Variants in CNGB3 observed in about 807,000 individuals in gnomAD.
CNGB3 encodes the protein cyclic nucleotide gated channel subunit beta 3.
Under a neutral mutation model 92.8 loss-of-function variants are expected in CNGB3, and 86 were observed. That is an observed-to-expected ratio of 0.93 (90% CI 0.78 to 1.11). The LOEUF (loss-of-function observed/expected upper bound fraction) is 1.11, where lower values mean the gene tolerates loss of function less well. Ranked by LOEUF, CNGB3 falls within the 50% of genes least tolerant of loss-of-function variation. The pLI is 0.00. For synonymous variants in CNGB3, 333 were observed against 332.7 expected (o/e 1.00, Z -0.01); for missense variants, 1,026 against 956.8 (o/e 1.07, Z -0.95).
At chr8:86,720,680 A>C (rs1329562220) in intron 3 of CNGB3, among the ~76,000 whole-genome samples, 1 of 152,068 alleles carries the variant, frequency 6.6e-6, no homozygotes, top group African/African-American at 2.4e-5. Flanking sequence ...TCATTATAGC[A>C]AAAAGGTACT....
Position 86,718,754 on chromosome 8 carries a change from A to G in CNGB3, c.338+7777T>C, listed in dbSNP as rs114527284. Among the ~76,000 whole-genome samples, 1,319 of 152,238 alleles carry G rather than the reference A, an allele frequency of 8.7e-3. 23 individuals carry two copies. The highest frequency in any genetic ancestry group is 0.03 in the African/African-American group (1,259 of 41,542). On this transcript the variant is annotated intron_variant, in intron 3 of 17. Transcript: ENST00000320005. ...ACAGATCAATATCCCTGATGAACAT[A>G]TATGCAACAATCCTTAACAAATTAC...
chr8:86,577,330 AC>A (rs2131530812), intron 17 of CNGB3, among the ~76,000 whole-genome samples: 1 of 152,326 alleles, frequency 6.6e-6, no homozygotes, highest in East Asian at 1.9e-4. Context: ...GATGAAATTT[AC>A]AAAGTTATTT....
chr8:86,597,155 A>G lies in CNGB3; in HGVS notation c.1781+6938T>C, dbSNP rs144176219. 4.6e-5 allele frequency among the ~76,000 whole-genome samples: 7 copies of G among 152,318 alleles called. No homozygotes were observed. In the East Asian group the frequency reaches 1.2e-3, roughly 25 times the overall value. ...CCTGCATGTTGTGCACATGTACCCC[A>G]GAACGTAAAGTATAATAAAAAACAA... On this transcript the variant is annotated intron_variant, in intron 15 of 17. Coordinates refer to ENST00000320005, the MANE Select transcript of CNGB3 (RefSeq NM_019098.5).
chr8:86,625,868 T>G, intron 13 of CNGB3, 115 bp downstream of exon 13: 1 of 818,418 alleles, frequency 1.2e-6, no homozygotes, highest in South Asian at 1.5e-5. Flanking sequence ...TTTCTCTAGG[T>G]TATTTTGACT....
chr8:86,720,440 C>T (rs2099802), intron 3 of CNGB3, among the ~76,000 whole-genome samples: 12,280 of 152,108 alleles, frequency 0.081, 981 homozygotes, highest in African/African-American at 0.21. Context: ...AAATCAAAAC[C>T]ACAATGCAAT....
chr8:86,717,324 G>A (rs1490576703), intron 3 of CNGB3, among the ~76,000 whole-genome samples: 1 of 152,110 alleles, frequency 6.6e-6, no homozygotes, highest in Non-Finnish European at 1.5e-5. Flanking sequence ...CACTTTGAGA[G>A]GCCAAGGCAG....
rs1554607546 is a variant in CNGB3, at chr8:86,604,091, AC to A, written c.1781+1del. ...AATATTTATGAAGTATCTTTCAGATACCTGATTTCTCCAAACACCGACCCAG... is the reference window on the plus strand; with the variant it reads ...AATATTTATGAAGTATCTTTCAGATACTGATTTCTCCAAACACCGACCCAG... On this transcript the variant is annotated splice_donor_variant, in intron 15 of 17. Transcript: ENST00000320005. LOFTEE classifies it high-confidence loss of function. 5 of 1,581,042 alleles carry A rather than the reference AC, an allele frequency of 3.2e-6. No individual in the cohort carries two copies. Among genetic ancestry groups the A allele is most frequent in the Non-Finnish European group, 3.5e-6 (4 of 1,149,914 alleles).
chr8:86,622,488 C>T (rs1185458025), intron 13 of CNGB3, among the ~76,000 whole-genome samples: 14 of 151,940 alleles, frequency 9.2e-5, no homozygotes, highest in Non-Finnish European at 1.0e-4. Flanking sequence ...GTACCTTCCC[C>T]GGCAAGACAA....
chr8:86,642,444 C>T (rs1322988898), intron 10 of CNGB3, among the ~76,000 whole-genome samples: 1 of 151,698 alleles, frequency 6.6e-6, no homozygotes, highest in African/African-American at 2.4e-5. Context: ...AGTGGTCCTT[C>T]TGACTTTAAA....
At chr8:86,661,268 G>T (rs1823635259) in intron 6 of CNGB3, 2 of 332,780 alleles carry the variant, frequency 6.0e-6, no homozygotes, top group South Asian at 3.1e-5. Flanking sequence ...TATCAGGGTC[G>T]ACCTTCTGCA....
intron 16 of CNGB3, 85 bp from the exon 17 acceptor site, chr8:86,578,948 C>A (rs1166154190): frequency 6.4e-7 from 1 of 1,572,922 alleles, no homozygotes; most frequent in Non-Finnish European, 8.7e-7. Flanking sequence ...TTTATCCTAA[C>A]CTGTGTAGTT....
intron 3 of CNGB3, among the ~76,000 whole-genome samples, chr8:86,697,907 T>C (rs28534481): frequency 0.59 from 89,083 of 151,746 alleles, 26,990 homozygotes; most frequent in South Asian, 0.74. Context: ...TTTTCTGTCC[T>C]TGCGATAGTT....
chr8:86,735,118 C>A (rs1586043503), intron 2 of CNGB3, among the ~76,000 whole-genome samples: 2 of 92,112 alleles, frequency 2.2e-5, no homozygotes, highest in East Asian at 3.8e-4. Flanking sequence ...TGTAGGAAAA[C>A]TCAATTTCAT....
At chr8:86,603,483 TA>T (rs1157693645) in intron 15 of CNGB3, among the ~76,000 whole-genome samples, 1 of 152,168 alleles carries the variant, frequency 6.6e-6, no homozygotes, top group African/African-American at 2.4e-5. Flanking sequence ...TCCTGGCCAA[TA>T]AGAAGCAATG....
intron 15 of CNGB3, chr8:86,593,718 T>C: frequency 1.1e-6 from 1 of 878,862 alleles, no homozygotes; most frequent in Non-Finnish European, 1.8e-6. Flanking sequence ...AGGCCTGTCG[T>C]CCAGCAGTGG....
chr8:86,696,505 C>T (rs988135248), intron 3 of CNGB3, among the ~76,000 whole-genome samples: 1 of 152,108 alleles, frequency 6.6e-6, no homozygotes, highest in African/African-American at 2.4e-5. Flanking sequence ...TCCAGTTTTT[C>T]CAGTATGTTC....
intron 2 of CNGB3, among the ~76,000 whole-genome samples, chr8:86,737,140 T>C (rs1281664763): frequency 6.6e-6 from 1 of 152,220 alleles, no homozygotes; most frequent in East Asian, 1.9e-4. Context: ...TAAGAACAAG[T>C]ATCCTCTACA....
intron 13 of CNGB3, among the ~76,000 whole-genome samples, chr8:86,622,618 T>C (rs1332753601): frequency 6.6e-6 from 1 of 152,164 alleles, no homozygotes; most frequent in Non-Finnish European, 1.5e-5. Flanking sequence ...ATAATTTATG[T>C]TGCCCAGGCT....
chr8:86,614,032 A>G (rs540221920), intron 13 of CNGB3, among the ~76,000 whole-genome samples: 1 of 150,088 alleles, frequency 6.7e-6, no homozygotes, highest in Non-Finnish European at 1.5e-5. Context: ...GTATATATAC[A>G]CACACACAAA....
Sources: allele counts gnomAD v4.1 joint callset (sites outside exome capture counted in the v4.1 genomes callset), GRCh38; gene constraint gnomAD v4.1.1; transcripts MANE v1.5; gene names NCBI Gene and HGNC (gene_info 2026-07-23, HGNC 2026-07-21).